Variants in MIS18A observed in about 807,000 individuals in gnomAD.
MIS18A encodes MIS18 kinetochore protein A, also known as protein Mis18-alpha.
In MIS18A, 14 loss-of-function variants were observed where a neutral mutation model predicts 25.0. That is an observed-to-expected ratio of 0.56 (90% CI 0.37 to 0.88). MIS18A has a LOEUF of 0.88. MIS18A is among the 40% of genes least tolerant of loss of function. The pLI is 0.00. For synonymous variants in MIS18A, 134 were observed against 118.6 expected, an observed-to-expected ratio of 1.13 and a Z score of -0.84; for missense variants, 292 against 290.8, an observed-to-expected ratio of 1.00 and a Z score of -0.03.
the MIS18A span, among the ~76,000 whole-genome samples, chr21:32,236,967 G>A: frequency 0.012 from 1,773 of 152,244 alleles, 10 homozygotes; most frequent in Middle Eastern, 0.027. Flanking sequence ...GGGCTGACTT[G>A]AGGGTCTCAG....
the MIS18A span, among the ~76,000 whole-genome samples, chr21:32,216,071 T>C: frequency 1.3e-5 from 2 of 151,786 alleles, no homozygotes. Context: ...ACAAAAACAC[T>C]AACCAAAAAA....
At chr21:32,161,053 C>T in the MIS18A span, among the ~76,000 whole-genome samples, 2 of 152,302 alleles carry the variant, frequency 1.3e-5, no homozygotes, top group South Asian at 4.1e-4. Context: ...TAAGCAGTTC[C>T]CTGCATGACT....
the MIS18A span, among the ~76,000 whole-genome samples, chr21:32,158,620 A>C: frequency 6.6e-6 from 1 of 152,040 alleles, no homozygotes; most frequent in Admixed American, 6.6e-5. Context: ...GATTACAGGC[A>C]TGCACCACCA....
At chr21:32,182,866 G>A in the MIS18A span, among the ~76,000 whole-genome samples, 1 of 152,160 alleles carries the variant, frequency 6.6e-6, no homozygotes, top group Non-Finnish European at 1.5e-5. Context: ...CACTCCTGTA[G>A]TTACTGTATG....
the MIS18A span, among the ~76,000 whole-genome samples, chr21:32,185,129 T>A: frequency 6.6e-6 from 1 of 152,114 alleles, no homozygotes; most frequent in Non-Finnish European, 1.5e-5. Flanking sequence ...AGCCCCCATT[T>A]AACCTTACCC....
At chr21:32,270,612 C>A in intron 2 of MIS18A, 83 bp from the exon 3 acceptor site, 2 of 1,403,764 alleles carry the variant, frequency 1.4e-6, no homozygotes. Flanking sequence ...TCCATAAACA[C>A]CTCAGTTTCT....
the MIS18A span, among the ~76,000 whole-genome samples, chr21:32,227,120 A>C: frequency 6.6e-6 from 1 of 152,260 alleles, no homozygotes; most frequent in Non-Finnish European, 1.5e-5. Context: ...TACAAAGTAG[A>C]ATGATCTTAA....
chr21:32,172,490 A>G, the MIS18A span, among the ~76,000 whole-genome samples: 142 of 152,198 alleles, frequency 9.3e-4, 1 homozygote, highest in Non-Finnish European at 1.7e-3. Flanking sequence ...CATGTTGTAC[A>G]CCCTAAGAAT....
chr21:32,202,483 T>C, the MIS18A span, among the ~76,000 whole-genome samples: 1 of 152,116 alleles, frequency 6.6e-6, no homozygotes, highest in Non-Finnish European at 1.5e-5. Flanking sequence ...AAAATACACA[T>C]AACATAAAAT....
chr21:32,235,849 A>G, the MIS18A span, among the ~76,000 whole-genome samples: 4 of 152,102 alleles, frequency 2.6e-5, no homozygotes, highest in Admixed American at 2.6e-4. Context: ...GGAAAAGAGG[A>G]AGGTAAAGAG....
At chr21:32,252,190 A>C in the MIS18A span, among the ~76,000 whole-genome samples, 1 of 147,350 alleles carries the variant, frequency 6.8e-6, no homozygotes, top group African/African-American at 2.5e-5. Context: ...TGTCTCAAAA[A>C]AAGGAAGAGG....
the MIS18A span, among the ~76,000 whole-genome samples, chr21:32,182,406 C>T: frequency 2.6e-5 from 4 of 152,316 alleles, no homozygotes; most frequent in South Asian, 6.2e-4. Context: ...GCATCCCCCC[C>T]ACAAACACAC....
chr21:32,268,551 G>C lies in MIS18A; in HGVS notation c.*486C>G, dbSNP rs2031646301. 6.6e-6 allele frequency: 1 copy of C among 152,238 alleles called. No homozygotes were observed. The highest frequency in any genetic ancestry group is 2.4e-5 in the African/African-American group (1 of 41,536). The allele number at this position is 152,238 out of a possible 1,614,324, so 9.4% of individuals were successfully genotyped here. On this transcript the variant is annotated 3_prime_UTR_variant, in exon 5 of 5. Transcript: ENST00000290130. Reference sequence around the variant, plus strand: ...ACACTGTGGGTAGACAAACCTCTAAGATTTTTCTTATCATTTATAATAAAT... The same window carrying C: ...ACACTGTGGGTAGACAAACCTCTAACATTTTTCTTATCATTTATAATAAAT...
the MIS18A span, among the ~76,000 whole-genome samples, chr21:32,198,017 A>T: frequency 6.6e-6 from 1 of 152,250 alleles, no homozygotes; most frequent in African/African-American, 2.4e-5. Flanking sequence ...GGTGTCAAGC[A>T]TTATCTAATA....
In MIS18A at chr21:32,278,665, G is replaced by A. The variant is rs1049870805; in HGVS notation, c.334+16C>T. The A allele has an allele frequency of 1.3e-6, 2 of 1,507,534 alleles. No homozygotes were observed. The highest frequency in any genetic ancestry group is 2.5e-5 in the South Asian group (2 of 78,708). The allele number at this position is 1,507,534 out of a possible 1,614,324, so 93.4% of individuals were successfully genotyped here. On this transcript the variant is annotated intron_variant, in intron 1 of 4. Coordinates refer to ENST00000290130, the MANE Select transcript of MIS18A (RefSeq NM_018944.3). The stretch of plus-strand genomic sequence containing the variant: ...GGCGACCCCACGCCCCCCCTGCCCG[G>A]CTCGACCCAACTGACAGCGAAGCAG...
chr21:32,189,593 G>A, the MIS18A span, among the ~76,000 whole-genome samples: 80,223 of 152,066 alleles, frequency 0.53, 22,974 homozygotes, highest in African/African-American at 0.76. Flanking sequence ...CTCATGCTTT[G>A]TACTTTGCCA....
chr21:32,273,111 TTTTC>T (rs1412171414), intron 2 of MIS18A, among the ~76,000 whole-genome samples: 9 of 151,232 alleles, frequency 6.0e-5, no homozygotes, highest in African/African-American at 1.5e-4. Flanking sequence ...GAGAAACTTT[TTTTC>T]TTTTTTTTTT....
the MIS18A span, among the ~76,000 whole-genome samples, chr21:32,200,793 T>C: frequency 2.0e-5 from 3 of 152,268 alleles, no homozygotes; most frequent in South Asian, 2.1e-4. Context: ...TCCTCAACCA[T>C]GCTCCTTATT....
At chr21:32,226,532 A>G in the MIS18A span, among the ~76,000 whole-genome samples, 2 of 152,206 alleles carry the variant, frequency 1.3e-5, no homozygotes, top group Admixed American at 6.5e-5. Context: ...GTATCAATCT[A>G]TCAGAAAGAA....
Sources: gnomAD v4.1 joint callset for allele counts (sites outside exome capture counted in the v4.1 genomes callset) on GRCh38, gnomAD v4.1.1 for gene constraint, MANE v1.5 for transcripts, NCBI Gene and HGNC (gene_info 2026-07-23, HGNC 2026-07-21) for gene names.